Variants in FUBP3 observed in about 807,000 individuals in gnomAD.
The protein encoded by FUBP3 is far upstream element-binding protein 3.
A neutral mutation model predicts 85.6 loss-of-function variants in FUBP3; 28 were observed. That is an observed-to-expected ratio of 0.33 (90% CI 0.24 to 0.45). The LOEUF is 0.45. FUBP3 is among the 20% of genes least tolerant of loss of function. The pLI is 1.00. For missense variants in FUBP3, 583 were observed against 755.1 expected, an observed-to-expected ratio of 0.77 and a Z score of 2.67; for synonymous variants, 271 against 271.4, an observed-to-expected ratio of 1.00 and a Z score of 0.01.
At chr9:130,618,923 G>A (rs1013840388) in intron 8 of FUBP3, among the ~76,000 whole-genome samples, 7 of 152,256 alleles carry the variant, frequency 4.6e-5, no homozygotes, top group Middle Eastern at 3.2e-3. Context: ...ACTCCAGTCA[G>A]TGATACGGTT....
intron 16 of FUBP3, among the ~76,000 whole-genome samples, chr9:130,634,174 C>T (rs1385491842): frequency 6.6e-6 from 1 of 152,240 alleles, no homozygotes; most frequent in Non-Finnish European, 1.5e-5. Flanking sequence ...CAAACACATG[C>T]ACCCCCTTTC....
Position 130,616,046 on chromosome 9 carries a change from GAGC to G in FUBP3, c.405-305_405-303del, listed in dbSNP as rs780489589. The stretch of plus-strand genomic sequence containing the variant: ...GGATGAAAGATGGTCTCTGCCTCCA[GAGC>G]AGCTGGCATCCTAATAGGAGACGAC... On this transcript the variant is annotated intron_variant, in intron 6 of 18. Transcript: ENST00000319725. This position sits in a 1 kb window ranked among gnomAD's most constrained non-coding sequence, Gnocchi z 4.7. Among the ~76,000 whole-genome samples, 20 of 152,214 alleles carry G rather than the reference GAGC, an allele frequency of 1.3e-4. No homozygotes were observed. The highest frequency in any genetic ancestry group is 2.5e-4 in the Non-Finnish European group (17 of 68,046).
intron 2 of FUBP3, among the ~76,000 whole-genome samples, chr9:130,603,369 CAAAT>C (rs1331212799): frequency 1.8e-5 from 2 of 111,438 alleles, no homozygotes; most frequent in Non-Finnish European, 3.8e-5. Context: ...AAAAAAAAAA[CAAAT>C]AGTGAAGGGG....
At chr9:130,611,417 C>T (rs1013638280) in intron 3 of FUBP3, among the ~76,000 whole-genome samples, 4 of 152,200 alleles carry the variant, frequency 2.6e-5, no homozygotes, top group African/African-American at 4.8e-5. Context: ...ACACATACAT[C>T]GCAAGAGGTG....
intron 2 of FUBP3, among the ~76,000 whole-genome samples, chr9:130,604,067 A>G (rs189991088): frequency 6.6e-6 from 1 of 152,320 alleles, no homozygotes; most frequent in African/African-American, 2.4e-5. Context: ...AACGGAACAA[A>G]TGCTGAGTAC....
intron 18 of FUBP3, 195 bp downstream of exon 18, chr9:130,636,321 G>C: frequency 1.4e-6 from 1 of 698,096 alleles, no homozygotes; most frequent in Non-Finnish European, 2.6e-6. Context: ...TGGAGAAAAA[G>C]AGTTTAGGCC....
intron 3 of FUBP3, among the ~76,000 whole-genome samples, chr9:130,611,780 G>GA (rs1276446249): frequency 6.8e-6 from 1 of 147,678 alleles, no homozygotes; most frequent in Admixed American, 6.7e-5. Context: ...AAGGTTTGTT[G>GA]AAAAAAGCCA....
intron 1 of FUBP3, among the ~76,000 whole-genome samples, chr9:130,592,327 G>A (rs1010348399): frequency 6.6e-5 from 10 of 152,156 alleles, no homozygotes; most frequent in Non-Finnish European, 1.0e-4. Flanking sequence ...TTTTTGTTTT[G>A]TTTTGTTTTT....
intron 12 of FUBP3, among the ~76,000 whole-genome samples, chr9:130,630,154 G>C (rs1246084413): frequency 6.6e-6 from 1 of 152,214 alleles, no homozygotes; most frequent in Admixed American, 6.5e-5. Flanking sequence ...GTGGTCATCT[G>C]TTTGGCCTAT....
At chr9:130,581,423 GC>G (rs1474000785) in intron 1 of FUBP3, 1 of 152,192 alleles carries the variant, frequency 6.6e-6, no homozygotes, top group Non-Finnish European at 1.5e-5. Flanking sequence ...TGGAGACAGG[GC>G]TGTAAGTGTG....
intron 12 of FUBP3, among the ~76,000 whole-genome samples, chr9:130,627,857 G>A (rs1830043557): frequency 6.6e-6 from 1 of 152,142 alleles, no homozygotes; most frequent in South Asian, 2.1e-4. Flanking sequence ...ACTGAGCATT[G>A]TTGCCTCACC....
At chr9:130,596,778 G>A in intron 2 of FUBP3, 1 of 290,854 alleles carries the variant, frequency 3.4e-6, no homozygotes, top group South Asian at 2.8e-5. Flanking sequence ...TATTTTATTT[G>A]TAATTTTTGT....
chr9:130,608,543 G>T (rs1223065623), intron 2 of FUBP3, among the ~76,000 whole-genome samples: 2 of 152,174 alleles, frequency 1.3e-5, no homozygotes, highest in East Asian at 3.9e-4. Context: ...CCTGGTGATT[G>T]TCCAGTTTTC....
chr9:130,622,489 G>A (rs369541448), intron 9 of FUBP3, among the ~76,000 whole-genome samples: 57 of 152,016 alleles, frequency 3.7e-4, no homozygotes, highest in African/African-American at 1.1e-3. Flanking sequence ...AAAATTCGCC[G>A]AGCATAGTTG....
At chr9:130,634,962 C>A (rs191486927) in intron 17 of FUBP3, among the ~76,000 whole-genome samples, 2 of 152,306 alleles carry the variant, frequency 1.3e-5, no homozygotes, top group Admixed American at 1.3e-4. Flanking sequence ...CTCGGCACAT[C>A]CCCTCCTCTT....
intron 2 of FUBP3, among the ~76,000 whole-genome samples, chr9:130,607,419 T>C (rs971865368): frequency 6.6e-6 from 1 of 152,180 alleles, no homozygotes; most frequent in African/African-American, 2.4e-5. Flanking sequence ...TACACCTGTA[T>C]ATGCTGGAAT....
intron 13 of FUBP3, 145 bp from the exon 14 acceptor site, chr9:130,631,408 GGGAA>G (rs1415217353): frequency 1.6e-6 from 2 of 1,289,544 alleles, no homozygotes; most frequent in Non-Finnish European, 2.1e-6. Flanking sequence ...AGCCTGCTGT[GGGAA>G]GGAAGGCTAG....
At chr9:130,619,055 T>G (rs1832161968) in intron 8 of FUBP3, among the ~76,000 whole-genome samples, 1 of 152,180 alleles carries the variant, frequency 6.6e-6, no homozygotes, top group Non-Finnish European at 1.5e-5. Context: ...CCCACCCTGC[T>G]CAGCGTCCGG....
intron 2 of FUBP3, among the ~76,000 whole-genome samples, chr9:130,599,643 G>T (rs1427894029): frequency 6.6e-6 from 1 of 152,076 alleles, no homozygotes; most frequent in Admixed American, 6.6e-5. Context: ...TTTGGATCAG[G>T]CCATTTTAAC....
Sources: gnomAD v4.1 joint callset for allele counts (sites outside exome capture counted in the v4.1 genomes callset) on GRCh38, gnomAD v4.1.1 for gene constraint, Gnocchi (gnomAD v3.1) non-coding constraint, MANE v1.5 for transcripts, NCBI Gene and HGNC (gene_info 2026-07-23, HGNC 2026-07-21) for gene names.